Variants in BABAM2 observed in about 807,000 individuals in gnomAD.
BABAM2 encodes BRISC and BRCA1-A complex member 2.
Under a neutral mutation model 54.7 loss-of-function variants are expected in BABAM2, and 31 were observed. The observed-to-expected ratio is 0.57, with a 90% CI of 0.43 to 0.77. The LOEUF (loss-of-function observed/expected upper bound fraction) is 0.77. Ranked by LOEUF, BABAM2 falls within the 30% of genes least tolerant of loss-of-function variation. The pLI, the probability that BABAM2 is intolerant of heterozygous loss-of-function variation, is 0.00. For synonymous variants in BABAM2, 167 were observed against 162.9 expected, an observed-to-expected ratio of 1.03 and a Z score of -0.19; for missense variants, 364 against 455.8, an observed-to-expected ratio of 0.80 and a Z score of 1.83.
At chr2:28,260,737 T>C (rs967413754) in intron 10 of BABAM2, among the ~76,000 whole-genome samples, 10 of 152,226 alleles carry the variant, frequency 6.6e-5, no homozygotes, top group African/African-American at 2.2e-4. Context: ...TACCTCAATT[T>C]GAGGAGAATT....
At chr2:28,026,778 A>T (rs1257141939) in intron 5 of BABAM2, among the ~76,000 whole-genome samples, 42 of 102,504 alleles carry the variant, frequency 4.1e-4, no homozygotes, top group Middle Eastern at 4.5e-3. Flanking sequence ...AATATATAAA[A>T]AAATATAAAT....
At chr2:27,949,482 C>T (rs936093579) in intron 3 of BABAM2, among the ~76,000 whole-genome samples, 2 of 150,658 alleles carry the variant, frequency 1.3e-5, no homozygotes, top group African/African-American at 2.4e-5. Context: ...TGCAGTGAGC[C>T]GAGATCGCAC....
At chr2:27,957,019 A>G (rs1372499166) in intron 3 of BABAM2, among the ~76,000 whole-genome samples, 1 of 152,204 alleles carries the variant, frequency 6.6e-6, no homozygotes, top group African/African-American at 2.4e-5. Context: ...AGTATGCCTA[A>G]AGTATATCAT....
intron 7 of BABAM2, among the ~76,000 whole-genome samples, chr2:28,184,291 C>CCG (rs1676028543): frequency 1.8e-5 from 2 of 109,866 alleles, no homozygotes; most frequent in African/African-American, 3.1e-5. Context: ...TCTCTCCCCC[C>CCG]CTCCCTCTCT....
At chr2:28,100,225 T>G (rs1348639151) in intron 6 of BABAM2, among the ~76,000 whole-genome samples, 1 of 151,668 alleles carries the variant, frequency 6.6e-6, no homozygotes, top group African/African-American at 2.4e-5. Flanking sequence ...TGGGGGCGGG[T>G]GGGGATGCCA....
chr2:28,126,952 T>C (rs1347469957), intron 6 of BABAM2, among the ~76,000 whole-genome samples: 2 of 150,100 alleles, frequency 1.3e-5, no homozygotes, highest in African/African-American at 2.5e-5. Flanking sequence ...TTTTGAGAAG[T>C]GTCTGTTCAT....
At chr2:28,103,875 T>C (rs919063624) in intron 6 of BABAM2, among the ~76,000 whole-genome samples, 1 of 152,218 alleles carries the variant, frequency 6.6e-6, no homozygotes, top group African/African-American at 2.4e-5. Flanking sequence ...GCTTTTCTTA[T>C]CCAACATCAA....
chr2:28,069,993 A>C (rs1391461027), intron 6 of BABAM2, among the ~76,000 whole-genome samples: 1 of 152,192 alleles, frequency 6.6e-6, no homozygotes, highest in Non-Finnish European at 1.5e-5. Context: ...CTTCCATCTT[A>C]GCTTCCAGAA....
intron 4 of BABAM2, among the ~76,000 whole-genome samples, chr2:28,019,498 T>C (rs1675098634): frequency 6.6e-6 from 1 of 152,240 alleles, no homozygotes; most frequent in Non-Finnish European, 1.5e-5. Context: ...TTTAGTTTAA[T>C]TAAGTCCCAT....
In BABAM2 at chr2:28,304,491, A is replaced by G. The variant is rs1228549735; in HGVS notation, c.1088+6000A>G. On this transcript the variant is annotated intron_variant, in intron 11 of 11. Coordinates refer to ENST00000379624, the MANE Select transcript of BABAM2 (RefSeq NM_199191.3). The surrounding 1 kb of genome is among the most constrained non-coding windows in gnomAD (Gnocchi z 4.0). ...ATACAGGAATACAAATGATTTTTCT[A>G]TACTGACATGGCATCCTGTGACATT... 2.6e-5 allele frequency among the ~76,000 whole-genome samples: 4 copies of G among 151,734 alleles called. No individual in the cohort carries two copies. Among genetic ancestry groups the G allele is most frequent in the East Asian group, 1.9e-4 (1 of 5,200 alleles).
At chr2:28,316,806 T>G (rs1437679151) in intron 11 of BABAM2, among the ~76,000 whole-genome samples, 1 of 152,202 alleles carries the variant, frequency 6.6e-6, no homozygotes, top group Non-Finnish European at 1.5e-5. Context: ...CACTGTGCCC[T>G]GGCAATCCAA....
At chr2:28,164,994 T>G (rs748280735) in intron 7 of BABAM2, among the ~76,000 whole-genome samples, 6 of 152,208 alleles carry the variant, frequency 3.9e-5, no homozygotes, top group Non-Finnish European at 8.8e-5. Flanking sequence ...TTTATTGGTT[T>G]GTTCATGTTT....
intron 6 of BABAM2, among the ~76,000 whole-genome samples, chr2:28,065,030 T>G (rs1679198423): frequency 6.6e-6 from 1 of 151,856 alleles, no homozygotes. Context: ...AACCATTTAC[T>G]TGAGGGCACA....
intron 2 of BABAM2, among the ~76,000 whole-genome samples, chr2:27,908,596 G>A (rs1666357073): frequency 6.6e-6 from 1 of 152,024 alleles, no homozygotes; most frequent in African/African-American, 2.4e-5. Flanking sequence ...TTCAACCCTT[G>A]GCTCCCTCCT....
intron 6 of BABAM2, among the ~76,000 whole-genome samples, chr2:28,087,751 C>T (rs538060959): frequency 4.7e-4 from 72 of 151,998 alleles, no homozygotes; most frequent in East Asian, 1.9e-4. Flanking sequence ...TGGGTTCAAG[C>T]GATTCTCCCT....
chr2:28,180,880 A>G (rs1355435452), intron 7 of BABAM2, among the ~76,000 whole-genome samples: 2 of 152,230 alleles, frequency 1.3e-5, no homozygotes, highest in Non-Finnish European at 2.9e-5. Flanking sequence ...ACTAATCATC[A>G]GGAAAATGAA....
chr2:28,100,179 G>T (rs1193504735), intron 6 of BABAM2, among the ~76,000 whole-genome samples: 1 of 152,042 alleles, frequency 6.6e-6, no homozygotes, highest in Admixed American at 6.6e-5. Flanking sequence ...GCCAGGCACA[G>T]TGGCTCACAC....
chr2:28,194,327 C>T (rs778604670), intron 7 of BABAM2, among the ~76,000 whole-genome samples: 9 of 152,128 alleles, frequency 5.9e-5, no homozygotes, highest in Non-Finnish European at 1.2e-4. Flanking sequence ...TTCCTGCTCT[C>T]AGCTCCCAGA....
chr2:28,143,640 A>G (rs936804415), intron 7 of BABAM2, among the ~76,000 whole-genome samples: 1 of 152,180 alleles, frequency 6.6e-6, no homozygotes, highest in Non-Finnish European at 1.5e-5. Context: ...AAAAATGAAA[A>G]AACCTAAACA....
Sources: allele counts gnomAD v4.1 joint callset (sites outside exome capture counted in the v4.1 genomes callset), GRCh38; gene constraint gnomAD v4.1.1; non-coding constraint Gnocchi (gnomAD v3.1); transcripts MANE v1.5; gene names NCBI Gene and HGNC (gene_info 2026-07-23, HGNC 2026-07-21).